Variants in PAN3 observed in about 807,000 individuals in gnomAD.
PAN3 encodes poly(A) specific ribonuclease subunit PAN3, also known as PAN2-PAN3 deadenylation complex subunit PAN3.
In PAN3, 19 loss-of-function variants were observed where a neutral mutation model predicts 96.2. The observed-to-expected ratio is 0.20, with a 90% CI of 0.14 to 0.29. The LOEUF (loss-of-function observed/expected upper bound fraction) is 0.29, where lower values mean the gene tolerates loss of function less well. Ranked by LOEUF, PAN3 falls within the 10% of genes least tolerant of loss-of-function variation. PAN3 has a pLI of 1.00. For missense variants in PAN3, 882 were observed against 1,108.1 expected (o/e 0.80, Z 2.90); for synonymous variants, 433 against 406.6 (o/e 1.06, Z -0.78).
chr13:28,232,717 A>AT (rs1480844937), intron 6 of PAN3: 14 of 152,162 alleles, frequency 9.2e-5, no homozygotes, highest in Admixed American at 9.2e-4. Flanking sequence ...ACAGAATTAC[A>AT]TATACATGTA....
chr13:28,277,110 A>G, intron 14 of PAN3, 127 bp from the exon 15 acceptor site: 1 of 881,108 alleles, frequency 1.1e-6, no homozygotes, highest in Non-Finnish European at 1.7e-6. Context: ...GAGAATCACC[A>G]GTATTTGAGG....
At chr13:28,281,244 T>C in intron 16 of PAN3, 71 bp from the exon 17 acceptor site, 2 of 1,187,660 alleles carry the variant, frequency 1.7e-6, no homozygotes, top group Non-Finnish European at 2.5e-6. Context: ...TTACCAGTTT[T>C]TGTAAATTTT....
intron 6 of PAN3, among the ~76,000 whole-genome samples, chr13:28,223,872 T>A (rs920859471): frequency 4.2e-5 from 2 of 47,712 alleles, no homozygotes; most frequent in African/African-American, 1.6e-4. Flanking sequence ...TGAAAAGTGA[T>A]TTTTTTTTTT....
chr13:28,248,311 T>C (rs1884400223), intron 6 of PAN3, among the ~76,000 whole-genome samples: 2 of 152,166 alleles, frequency 1.3e-5, no homozygotes, highest in Non-Finnish European at 2.9e-5. Context: ...CTTCTGACAG[T>C]TTTTGGGTGG....
chr13:28,266,853 C>T lies in PAN3; in HGVS notation c.1550C>T (p.Pro517Leu). 2 of 1,604,636 alleles carry T rather than the reference C, an allele frequency of 1.2e-6. No individual in the cohort carries two copies. Among genetic ancestry groups the T allele is most frequent in the African/African-American group, 1.3e-5 (1 of 74,768 alleles). The stretch of plus-strand genomic sequence containing the variant: ...GCTGTAAACAGCAAAGATGATCTGC[C>T]ATATTGCCTTCGGAGGATACATGGT... Reference protein sequence around the residue: ...YKAVNSKDDLPYCLRRIHGFR... With the variant: ...YKAVNSKDDLLYCLRRIHGFR... The change falls in exon 10 of 19, where the codon CCA becomes CTA. Residue 517 changes from proline to leucine, a missense_variant. By Grantham distance (98) the Pro-to-Leu change is moderately conservative. Around this residue, in one of 3 missense-constraint regions of PAN3, gnomAD observed 364 missense variants for 513.6 expected, o/e 0.71. Transcript: ENST00000380958.
At chr13:28,289,607 C>G (rs144285110) in intron 18 of PAN3, among the ~76,000 whole-genome samples, 1 of 152,080 alleles carries the variant, frequency 6.6e-6, no homozygotes. Context: ...AAAGGCTAGG[C>G]GCAGTAGCTC....
chr13:28,291,183 A>T (rs969141141), intron 18 of PAN3, among the ~76,000 whole-genome samples: 14 of 152,172 alleles, frequency 9.2e-5, no homozygotes, highest in African/African-American at 3.1e-4. Context: ...TAATGACAGA[A>T]ATTGTCTGGT....
chr13:28,169,451 G>A (rs956913730), intron 1 of PAN3, among the ~76,000 whole-genome samples: 1 of 151,196 alleles, frequency 6.6e-6, no homozygotes, highest in Admixed American at 6.6e-5. Context: ...GCTGGTCTCA[G>A]ATGAACTGAG....
chr13:28,241,565 T>C (rs1310586389), intron 6 of PAN3, among the ~76,000 whole-genome samples: 1 of 152,192 alleles, frequency 6.6e-6, no homozygotes, highest in African/African-American at 2.4e-5. Context: ...GGAGGCTTCG[T>C]TGAACTCAAC....
At chr13:28,230,245 G>A (rs1200088871) in intron 6 of PAN3, among the ~76,000 whole-genome samples, 4 of 152,038 alleles carry the variant, frequency 2.6e-5, no homozygotes, top group African/African-American at 9.7e-5. Flanking sequence ...AGTTGCCGAT[G>A]CTTAGTCATG....
At chr13:28,226,456 T>C (rs553383907) in intron 6 of PAN3, among the ~76,000 whole-genome samples, 30 of 152,312 alleles carry the variant, frequency 2.0e-4, no homozygotes, top group African/African-American at 6.7e-4. Context: ...TAAAGTATCC[T>C]TCTAATTAAT....
At chr13:28,264,204 G>T (rs978331061) in intron 9 of PAN3, among the ~76,000 whole-genome samples, 2 of 152,088 alleles carry the variant, frequency 1.3e-5, no homozygotes, top group Non-Finnish European at 2.9e-5. Context: ...TATAAAAAAT[G>T]TAAATAATTG....
chr13:28,148,859 A>G (rs891516274), intron 1 of PAN3, among the ~76,000 whole-genome samples: 4 of 152,192 alleles, frequency 2.6e-5, no homozygotes, highest in African/African-American at 9.7e-5. Flanking sequence ...CTGTGTAAAT[A>G]TTCCATTATA....
intron 1 of PAN3, among the ~76,000 whole-genome samples, chr13:28,158,070 C>T (rs966399730): frequency 7.9e-5 from 12 of 152,154 alleles, no homozygotes; most frequent in East Asian, 1.9e-4. Context: ...TGATCTTCCA[C>T]GGAGTTGACA....
At chr13:28,288,933 T>C (rs1469535102) in intron 18 of PAN3, among the ~76,000 whole-genome samples, 1 of 149,510 alleles carries the variant, frequency 6.7e-6, no homozygotes, top group Admixed American at 6.7e-5. Flanking sequence ...TTCACGCCAT[T>C]CTCCTGCCTC....
rs562908458 is a variant in PAN3, at chr13:28,281,513, T to C, written c.2384+134T>C. 9.9e-6 allele frequency: 8 copies of C among 804,554 alleles called. No individual in the cohort carries two copies. In the South Asian group the frequency reaches 1.4e-4, roughly 14 times the overall value. 49.8% of individuals were successfully genotyped at this position (804,554 alleles called of 1,614,324 possible). On this transcript the variant is annotated intron_variant, in intron 17 of 18. Coordinates refer to ENST00000380958, the MANE Select transcript of PAN3 (RefSeq NM_175854.8). ...GAAGTGACCTTAAGATTGTGTTAGC[T>C]GTTAAGGTGCTATTTTTAACAACAG...
intron 5 of PAN3, among the ~76,000 whole-genome samples, chr13:28,204,645 C>CT (rs1879138049): frequency 6.6e-6 from 1 of 151,976 alleles, no homozygotes; most frequent in Non-Finnish European, 1.5e-5. Flanking sequence ...AAAATAAATG[C>CT]TTTTTTTGAA....
intron 6 of PAN3, among the ~76,000 whole-genome samples, chr13:28,239,162 A>AACACACACACACACACAC (rs71086840): frequency 1.3e-5 from 1 of 76,794 alleles, no homozygotes; most frequent in African/African-American, 5.1e-5. Context: ...CACCCCCGCC[A>AACACACACACACACACAC]ACACACACAC....
chr13:28,138,639 A>T lies in PAN3; in HGVS notation c.-19A>T. The T allele has an allele frequency of 1.9e-6, 1 of 526,054 alleles. No individual in the cohort carries two copies. Among genetic ancestry groups the T allele is most frequent in the Non-Finnish European group, 3.1e-6 (1 of 327,414 alleles). The allele number at this position is 526,054 out of a possible 1,614,324, so 32.6% of individuals were successfully genotyped here. On this transcript the variant is annotated 5_prime_UTR_variant, in exon 1 of 19. Transcript: ENST00000380958. ...GCGGCTCCTCGGGCGGCGGCGGAAG[A>T]CGAGGCTGCGGCGTTGCCATGAACA...
Sources: gnomAD v4.1 joint callset for allele counts (sites outside exome capture counted in the v4.1 genomes callset) on GRCh38, gnomAD v4.1.1 for gene constraint, gnomAD v4.1.1 regional missense constraint, MANE v1.5 for transcripts, NCBI Gene and HGNC (gene_info 2026-07-23, HGNC 2026-07-21) for gene names.